The following GRIN2D variants were observed in gnomAD, a reference collection of about 807,000 sequenced individuals.
GRIN2D encodes the protein glutamate ionotropic receptor NMDA type subunit 2D, also known as glutamate receptor ionotropic, NMDA 2D.
Under a neutral mutation model 103.2 loss-of-function variants are expected in GRIN2D, and 37 were observed. The observed-to-expected ratio is 0.36, with a 90% CI of 0.28 to 0.47. The LOEUF is 0.47. Among genes scored for constraint, GRIN2D ranks in the 20% least tolerant of loss-of-function variants. The pLI, the probability that GRIN2D is intolerant of heterozygous loss-of-function variation, is 1.00. For synonymous variants in GRIN2D, 845 were observed against 885.6 expected (o/e 0.95, Z 0.81); for missense variants, 1,557 against 1,910.6 (o/e 0.81, Z 3.45).
chr19:48,419,809 C>T lies in GRIN2D; in HGVS notation c.2086C>T (p.Arg696Cys), dbSNP rs747992588. ...GGATACTGTGTCTGGGCTCAGTGAC[C>T]GCAAGGTGTGTGTGGGCCCAGGGCT... ...YVDTVSGLSD[R>C]KFQRPQEQYP... Residue 696 changes from arginine to cysteine, a missense_variant, in exon 10 of 14, where the codon CGC becomes TGC. Transcript: ENST00000263269. 1.9e-6 allele frequency: 3 copies of T among 1,610,216 alleles called. No individual in the cohort carries two copies. Among genetic ancestry groups the T allele is most frequent in the Non-Finnish European group, 1.7e-6 (2 of 1,177,474 alleles).
intron 11 of GRIN2D, among the ~76,000 whole-genome samples, chr19:48,428,622 C>T (rs1395450392): frequency 6.6e-6 from 1 of 152,136 alleles, no homozygotes; most frequent in Non-Finnish European, 1.5e-5. Flanking sequence ...CACGGCCTCC[C>T]AAAGTGCTTG....
chr19:48,415,863 C>A, intron 7 of GRIN2D, 139 bp from the exon 8 acceptor site: 1 of 723,978 alleles, frequency 1.4e-6, no homozygotes, highest in Non-Finnish European at 2.5e-6. Flanking sequence ...CCCCTCCTCA[C>A]CCACCTCGCA....
At chr19:48,397,112 C>G (rs1970652582) in intron 2 of GRIN2D, among the ~76,000 whole-genome samples, 1 of 151,446 alleles carries the variant, frequency 6.6e-6, no homozygotes, top group Non-Finnish European at 1.5e-5. Flanking sequence ...CCACCCAGCT[C>G]TCCACAGCTG....
At chr19:48,436,175 C>G (rs1456346739) in intron 11 of GRIN2D, among the ~76,000 whole-genome samples, 1 of 152,196 alleles carries the variant, frequency 6.6e-6, no homozygotes, top group Non-Finnish European at 1.5e-5. Context: ...GTTTTATTAT[C>G]ACTCACATCA....
At position 48,421,607 on chromosome 19, in the gene GRIN2D, C is replaced by T. The variant is rs546650647; in HGVS notation, c.2092-178C>T. 1.3e-5 allele frequency among the ~76,000 whole-genome samples: 2 copies of T among 152,218 alleles called. No individual in the cohort carries two copies. The highest frequency in any genetic ancestry group is 2.1e-4 in the South Asian group (1 of 4,822). On this transcript the variant is annotated intron_variant, in intron 10 of 13. Coordinates refer to ENST00000263269, the MANE Select transcript of GRIN2D (RefSeq NM_000836.4). This position sits in a 1 kb window ranked among gnomAD's most constrained non-coding sequence, Gnocchi z 4.8. The stretch of plus-strand genomic sequence containing the variant: ...AACTTTTGGATCACGTGTCTGCAAC[C>T]GTGTGTGCTGGGTGGGAGTGGAAAA...
intron 11 of GRIN2D, among the ~76,000 whole-genome samples, chr19:48,440,298 C>G (rs1239707343): frequency 6.6e-6 from 1 of 152,118 alleles, no homozygotes; most frequent in African/African-American, 2.4e-5. Context: ...GTTTTCCCAT[C>G]TGAAAAGAAT....
chr19:48,407,676 G>T (rs772535499), intron 4 of GRIN2D, among the ~76,000 whole-genome samples: 2 of 152,200 alleles, frequency 1.3e-5, no homozygotes, highest in Non-Finnish European at 2.9e-5. Flanking sequence ...TAGGCACAGG[G>T]TGTATATAGT....
intron 2 of GRIN2D, among the ~76,000 whole-genome samples, chr19:48,395,190 C>T (rs965237831): frequency 6.6e-6 from 1 of 151,922 alleles, no homozygotes; most frequent in Admixed American, 6.6e-5. Context: ...TTGGCTCCCT[C>T]TCCCCATCCC....
At chr19:48,413,881 G>A in intron 4 of GRIN2D, 110 bp from the exon 5 acceptor site, 1 of 687,964 alleles carries the variant, frequency 1.5e-6, no homozygotes, top group Admixed American at 2.1e-5. Flanking sequence ...AAAGAAGAGA[G>A]ATTCCAGCTG....
chr19:48,397,808 C>T (rs1054469536), intron 2 of GRIN2D, among the ~76,000 whole-genome samples: 4 of 151,982 alleles, frequency 2.6e-5, no homozygotes, highest in Non-Finnish European at 5.9e-5. Context: ...GATCCCATCT[C>T]TGTGGGTGTC....
In GRIN2D at chr19:48,394,013, C is replaced by T. The variant is rs568680039; in HGVS notation, c.-306+145C>T. On this transcript the variant is annotated intron_variant, in intron 1 of 13. Transcript: ENST00000263269. The surrounding 1 kb of genome is among the most constrained non-coding windows in gnomAD (Gnocchi z 5.1). ...GCCTGGGTGTCGTGGGGCTCCCGCTCCTTCCCCCCGGCCCCCCCAAACCCA... is the reference window on the plus strand; with the variant it reads ...GCCTGGGTGTCGTGGGGCTCCCGCTTCTTCCCCCCGGCCCCCCCAAACCCA... Among the ~76,000 whole-genome samples, 1 of 152,198 alleles carries T rather than the reference C, an allele frequency of 6.6e-6. No homozygotes were observed. The highest frequency in any genetic ancestry group is 2.1e-4 in the South Asian group (1 of 4,814).
intron 11 of GRIN2D, among the ~76,000 whole-genome samples, chr19:48,426,707 C>T (rs1367722870): frequency 1.3e-5 from 2 of 151,962 alleles, no homozygotes; most frequent in South Asian, 2.1e-4. Flanking sequence ...GCCTCAGTCT[C>T]CTGAGCAGGT....
rs1301446989 is a variant in GRIN2D, at chr19:48,414,146, G to A, written c.1200+41G>A. On this transcript the variant is annotated intron_variant, in intron 5 of 13. Transcript: ENST00000263269. This position sits in a 1 kb window ranked among gnomAD's most constrained non-coding sequence, Gnocchi z 4.6. ...AGACCTCAGGCATGGCAGAGGGTGT[G>A]GACTCCTGCATCCTGGCAGAGGGGG... 2 of 1,220,138 alleles carry A rather than the reference G, an allele frequency of 1.6e-6. No homozygotes were observed. The highest frequency in any genetic ancestry group is 2.4e-6 in the Non-Finnish European group (2 of 823,808). 75.6% of individuals were successfully genotyped at this position (1,220,138 alleles called of 1,614,324 possible).
chr19:48,414,801 C>G lies in GRIN2D; in HGVS notation c.1413-63C>G. 6.5e-7 allele frequency: 1 copy of G among 1,543,914 alleles called. No individual in the cohort carries two copies. Among genetic ancestry groups the G allele is most frequent in the Non-Finnish European group, 8.9e-7 (1 of 1,129,412 alleles). ...CCGCCTATCCCTTCCTCCATATCCTCTCTTCATGAGAGAGTCTAAGGAGGG... is the reference window on the plus strand; with the variant it reads ...CCGCCTATCCCTTCCTCCATATCCTGTCTTCATGAGAGAGTCTAAGGAGGG... On this transcript the variant is annotated intron_variant, in intron 6 of 13. Coordinates refer to ENST00000263269, the MANE Select transcript of GRIN2D (RefSeq NM_000836.4). The surrounding 1 kb of genome is among the most constrained non-coding windows in gnomAD (Gnocchi z 4.6).
chr19:48,419,530 C>G, intron 9 of GRIN2D, 55 bp from the exon 10 acceptor site: 1 of 1,413,036 alleles, frequency 7.1e-7, no homozygotes. Flanking sequence ...TTTTTTTTTC[C>G]CTTCCTTATT....
chr19:48,439,694 C>T, intron 11 of GRIN2D, among the ~76,000 whole-genome samples: 1 of 152,068 alleles, frequency 6.6e-6, no homozygotes, highest in Non-Finnish European at 1.5e-5. Flanking sequence ...TTGGGAGAAA[C>T]CCACTTTGGG....
At chr19:48,397,691 T>C (rs991577779) in intron 2 of GRIN2D, among the ~76,000 whole-genome samples, 8 of 151,716 alleles carry the variant, frequency 5.3e-5, no homozygotes, top group African/African-American at 1.9e-4. Context: ...TGTCACTCCG[T>C]CCTCTCTCTC....
At chr19:48,401,110 A>G (rs1315190018) in intron 3 of GRIN2D, among the ~76,000 whole-genome samples, 1 of 151,826 alleles carries the variant, frequency 6.6e-6, no homozygotes, top group African/African-American at 2.4e-5. Context: ...ATAAACAAAA[A>G]GAACTCATTC....
In GRIN2D at chr19:48,394,099, G is replaced by A. The variant is rs538303124; in HGVS notation, c.-306+231G>A. ...CCTGCGTCCGGCCAGGCGTCTGGGC[G>A]TCCCCGGCTGCCTGTGTCCTCCTGT... On this transcript the variant is annotated intron_variant, in intron 1 of 13. Coordinates refer to ENST00000263269, the MANE Select transcript of GRIN2D (RefSeq NM_000836.4). This position sits in a 1 kb window ranked among gnomAD's most constrained non-coding sequence, Gnocchi z 5.1. Among the ~76,000 whole-genome samples, 30 of 152,136 alleles carry A rather than the reference G, an allele frequency of 2.0e-4. No homozygotes were observed. The South Asian group carries it at 5.2e-3, about 26-fold the overall frequency.
Sources: allele counts gnomAD v4.1 joint callset (sites outside exome capture counted in the v4.1 genomes callset), GRCh38; gene constraint gnomAD v4.1.1; non-coding constraint Gnocchi (gnomAD v3.1); transcripts MANE v1.5; gene names NCBI Gene and HGNC (gene_info 2026-07-23, HGNC 2026-07-21).